Variants in TEX9 observed in about 807,000 individuals in gnomAD.
TEX9 encodes the protein testis expressed 9.
TEX9 carries 74 observed loss-of-function variants against 59.6 expected under a neutral mutation model. That is an observed-to-expected ratio of 1.24 (90% CI 1.03 to 1.51). The LOEUF (loss-of-function observed/expected upper bound fraction) is 1.51, where lower values mean the gene tolerates loss of function less well. TEX9 is among the 40% of genes most tolerant of loss of function. The probability of loss-of-function intolerance (pLI) is 0.00; values close to 1 mark genes in which losing one functional copy is unlikely to be tolerated. For missense variants in TEX9, 522 were observed against 447.8 expected (o/e 1.17, Z -1.49); for synonymous variants, 186 against 152.2 (o/e 1.22, Z -1.64).
chr15:56,390,391 AC>A (rs1179600523), intron 6 of TEX9, among the ~76,000 whole-genome samples: 7 of 151,978 alleles, frequency 4.6e-5, no homozygotes, highest in African/African-American at 7.2e-5. Flanking sequence ...GGGGATGGAT[AC>A]CCCCTTCTCC....
intron 9 of TEX9, chr15:56,396,309 C>T (rs553041698): frequency 6.6e-6 from 1 of 152,190 alleles, no homozygotes; most frequent in African/African-American, 2.4e-5. Flanking sequence ...ATCACTTAGA[C>T]AAAATTTATA....
chr15:56,305,925 G>T (rs2045471950), intron 1 of TEX9, among the ~76,000 whole-genome samples: 1 of 151,826 alleles, frequency 6.6e-6, no homozygotes, highest in South Asian at 2.1e-4. Flanking sequence ...AACTCAAAGA[G>T]AAAAAAATGT....
Position 56,260,060 on chromosome 15 carries a change from CACAT to C in TEX9, c.-107+15786_-107+15789del, listed in dbSNP as rs767087975. ...TTTATTTACCAATTGTTTTTGCAAA[CACAT>C]ACAAATACAATAGATTTTTATGTAT... On this transcript the variant is annotated intron_variant, in intron 1 of 5. Transcript: ENST00000560827. Among the ~76,000 whole-genome samples, 3 of 152,106 alleles carry C rather than the reference CACAT, an allele frequency of 2.0e-5. 1 individual carries two copies. Among genetic ancestry groups the C allele is most frequent in the Admixed American group, 6.5e-5 (1 of 15,292 alleles).
chr15:56,302,541 C>T (rs1431661467), intron 1 of TEX9, among the ~76,000 whole-genome samples: 1 of 151,608 alleles, frequency 6.6e-6, no homozygotes, highest in Non-Finnish European at 1.5e-5. Flanking sequence ...TAAAACAAAA[C>T]AAACCTACGA....
the TEX9 span, among the ~76,000 whole-genome samples, chr15:56,457,830 C>T: frequency 1.3e-5 from 2 of 150,872 alleles, no homozygotes; most frequent in African/African-American, 4.9e-5. Flanking sequence ...AAAAAAAAGC[C>T]TCCATGCAAT....
chr15:56,452,550 T>C, the TEX9 span, among the ~76,000 whole-genome samples: 1 of 149,846 alleles, frequency 6.7e-6, no homozygotes, highest in Non-Finnish European at 1.5e-5. Context: ...ACAGAGTCTC[T>C]CTCTGTCGCC....
intron 1 of TEX9, among the ~76,000 whole-genome samples, chr15:56,244,884 C>T (rs1325795360): frequency 6.6e-6 from 1 of 151,420 alleles, no homozygotes; most frequent in African/African-American, 2.4e-5. Flanking sequence ...CCTTTAAGAG[C>T]AGAAGAATTG....
intron 1 of TEX9, among the ~76,000 whole-genome samples, chr15:56,293,002 C>A (rs1241446767): frequency 6.6e-6 from 1 of 152,182 alleles, no homozygotes; most frequent in Admixed American, 6.5e-5. Flanking sequence ...GCACAAGAAT[C>A]CTGTCTCAAG....
rs549740585 is a variant in TEX9, at chr15:56,413,373, CTATT to C, written c.963+940_963+943del. Among the ~76,000 whole-genome samples the C allele has an allele frequency of 1.7e-3, 259 of 148,788 alleles. 1 individual carries two copies. The highest frequency in any genetic ancestry group is 5.7e-3 in the African/African-American group (232 of 40,792). On this transcript the variant is annotated intron_variant, in intron 10 of 12. Transcript: ENST00000352903. ...AAAACAATTCTGTTTAATAATTAAA[CTATT>C]TAATAATTTAAAAATTTTAATTGTG...
intron 10 of TEX9, among the ~76,000 whole-genome samples, chr15:56,413,842 T>G (rs1476798805): frequency 6.6e-6 from 1 of 151,756 alleles, no homozygotes; most frequent in African/African-American, 2.4e-5. Context: ...CCTTGATACA[T>G]CCTCTAACAT....
chr15:56,299,655 AAGAGT>A (rs1422341995), intron 1 of TEX9, among the ~76,000 whole-genome samples: 2 of 152,132 alleles, frequency 1.3e-5, no homozygotes, highest in Non-Finnish European at 2.9e-5. Context: ...GAAGAGAGAG[AAGAGT>A]AAAGAGGACT....
At chr15:56,443,591 A>C in intron 12 of TEX9, 1 of 1,584,092 alleles carries the variant, frequency 6.3e-7, no homozygotes, top group Non-Finnish European at 8.6e-7. Context: ...TTCTGTAACT[A>C]ATATTTCAGA....
At chr15:56,413,093 A>G (rs1435559259) in intron 10 of TEX9, among the ~76,000 whole-genome samples, 7 of 151,550 alleles carry the variant, frequency 4.6e-5, no homozygotes, top group African/African-American at 1.7e-4. Context: ...ACCCCTTTGT[A>G]CCTTCTATAA....
At chr15:56,405,828 A>G (rs2140087730) in intron 9 of TEX9, among the ~76,000 whole-genome samples, 1 of 152,328 alleles carries the variant, frequency 6.6e-6, no homozygotes, top group Admixed American at 6.5e-5. Flanking sequence ...TTTTAAAATT[A>G]TTATGTATCA....
intron 1 of TEX9, among the ~76,000 whole-genome samples, chr15:56,317,697 C>T (rs2045808942): frequency 6.6e-6 from 1 of 152,032 alleles, no homozygotes; most frequent in Non-Finnish European, 1.5e-5. Context: ...AATTGTGTTC[C>T]ATATATTGTA....
rs368781613 is a variant in TEX9 at position 56,390,246 on chromosome 15, T to C, written c.395+846T>C. ...TTCACATTTTTTTAAAAAAAGTTGA[T>C]TTTTCAAATAGAATTCTGAAGATCA... On this transcript the variant is annotated intron_variant, in intron 6 of 12. Coordinates refer to ENST00000352903, the Ensembl canonical transcript of TEX9. Among the ~76,000 whole-genome samples the C allele has an allele frequency of 1.4e-4, 22 of 152,058 alleles. No individual in the cohort carries two copies. The East Asian group carries it at 3.5e-3, about 24-fold the overall frequency.
chr15:56,360,563 C>T (rs2046771351), upstream of TEX9, among the ~76,000 whole-genome samples: 1 of 152,046 alleles, frequency 6.6e-6, no homozygotes, highest in African/African-American at 2.4e-5. Flanking sequence ...TTTTCCATTT[C>T]TAATGTTGGT....
At chr15:56,460,009 A>AAAAAAAAAAAAAATATATATAT in the TEX9 span, among the ~76,000 whole-genome samples, 9 of 26,406 alleles carry the variant, frequency 3.4e-4, 2 homozygotes, top group African/African-American at 6.0e-4. Context: ...AAAAAAAAAA[A>AAAAAAAAAAAAAATATATATAT]ATACATATAT....
chr15:56,306,644 T>C (rs937369606), intron 1 of TEX9, among the ~76,000 whole-genome samples: 1 of 152,166 alleles, frequency 6.6e-6, no homozygotes, highest in Admixed American at 6.5e-5. Flanking sequence ...GAATATTTAA[T>C]GGATACAAAA....
Sources: allele counts gnomAD v4.1 joint callset (sites outside exome capture counted in the v4.1 genomes callset), GRCh38; gene constraint gnomAD v4.1.1; transcripts MANE v1.5; gene names NCBI Gene and HGNC (gene_info 2026-07-23, HGNC 2026-07-21).